The following GLI2 variants were observed in gnomAD, a reference collection of about 807,000 sequenced individuals.
The protein encoded by GLI2 is transcription activator GLI2.
In GLI2, 22 loss-of-function variants were observed where a neutral mutation model predicts 78.9. The observed-to-expected ratio is 0.28, with a 90% CI of 0.20 to 0.40. The LOEUF (loss-of-function observed/expected upper bound fraction) is 0.40, where lower values mean the gene tolerates loss of function less well. GLI2 is among the 10% of genes least tolerant of loss of function. The pLI is 1.00. For synonymous variants in GLI2, 974 were observed against 963.7 expected (o/e 1.01, Z -0.20); for missense variants, 2,097 against 2,213.2 (o/e 0.95, Z 1.05).
chr2:120,816,520 A>T (rs1685502371), intron 2 of GLI2, among the ~76,000 whole-genome samples: 1 of 152,134 alleles, frequency 6.6e-6, no homozygotes, highest in Non-Finnish European at 1.5e-5. Context: ...AATGTGGGTT[A>T]TATCTATTGA....
At chr2:120,866,743 TG>T (rs1474356658) in intron 2 of GLI2, 1 of 152,204 alleles carries the variant, frequency 6.6e-6, no homozygotes, top group African/African-American at 2.4e-5. Flanking sequence ...TCCAGTCTTC[TG>T]TTTGATTGGA....
intron 2 of GLI2, among the ~76,000 whole-genome samples, chr2:120,903,724 CA>C (rs778851254): frequency 1.8e-4 from 27 of 152,198 alleles, no homozygotes; most frequent in Non-Finnish European, 4.0e-4. Flanking sequence ...ACACAACACA[CA>C]GTAACATCTG....
chr2:120,886,161 TG>T (rs1184804791), intron 2 of GLI2, among the ~76,000 whole-genome samples: 14 of 3,520 alleles, frequency 4.0e-3, no homozygotes, highest in African/African-American at 5.7e-3. Flanking sequence ...TTTTCCAAAG[TG>T]TGTGTGTGTG....
intron 3 of GLI2, 56 bp from the exon 4 acceptor site, chr2:120,951,187 T>C (rs988597060): frequency 9.8e-7 from 1 of 1,019,482 alleles, no homozygotes. Context: ...TTTTGGGGTC[T>C]TGGTGGGGTT....
rs984717669 is a variant in GLI2, at chr2:120,737,009, C to A, written c.-31+724C>A. Among the ~76,000 whole-genome samples, 1 of 152,050 alleles carries A rather than the reference C, an allele frequency of 6.6e-6. No individual in the cohort carries two copies. The highest frequency in any genetic ancestry group is 1.5e-5 in the Non-Finnish European group (1 of 68,012). ...CCTTCCACCTCACTTTCATCCCTGC[C>A]CCCCTACTCATCGTCTCTCCCCACC... On this transcript the variant is annotated intron_variant, in intron 1 of 13. Transcript: ENST00000361492. The surrounding 1 kb of genome is among the most constrained non-coding windows in gnomAD (Gnocchi z 4.3).
intron 2 of GLI2, among the ~76,000 whole-genome samples, chr2:120,897,754 C>T (rs1678050704): frequency 6.6e-6 from 1 of 152,182 alleles, no homozygotes; most frequent in African/African-American, 2.4e-5. Context: ...GACTCAGTTT[C>T]CCTTTCTGTA....
intron 2 of GLI2, among the ~76,000 whole-genome samples, chr2:120,812,057 G>C (rs1685270076): frequency 6.6e-6 from 1 of 152,220 alleles, no homozygotes; most frequent in Non-Finnish European, 1.5e-5. Context: ...TTCTGGCAGG[G>C]AGAGATGGGG....
chr2:120,867,225 G>A (rs1045377850), intron 2 of GLI2: 8 of 152,190 alleles, frequency 5.3e-5, no homozygotes, highest in African/African-American at 1.9e-4. Flanking sequence ...AGACCCTGGA[G>A]GGCAGCCGCT....
chr2:120,894,752 G>T (rs939166867), intron 2 of GLI2, among the ~76,000 whole-genome samples: 2 of 149,032 alleles, frequency 1.3e-5, no homozygotes, highest in African/African-American at 5.0e-5. Flanking sequence ...AGGCTGGAGC[G>T]CAGTGGCGCG....
intron 6 of GLI2, among the ~76,000 whole-genome samples, chr2:120,970,039 AG>A (rs1202744167): frequency 6.6e-6 from 1 of 152,158 alleles, no homozygotes; most frequent in Admixed American, 6.5e-5. Context: ...CAGGATTCGG[AG>A]GCCTCATGGG....
At chr2:120,882,037 T>C (rs899928820) in intron 2 of GLI2, among the ~76,000 whole-genome samples, 3 of 152,050 alleles carry the variant, frequency 2.0e-5, no homozygotes, top group Non-Finnish European at 4.4e-5. Context: ...CAGAATACAC[T>C]ATCCAGGTCC....
chr2:120,752,603 A>G (rs1258390363), intron 1 of GLI2, among the ~76,000 whole-genome samples: 3 of 152,104 alleles, frequency 2.0e-5, no homozygotes, highest in African/African-American at 7.2e-5. Flanking sequence ...TATTTATTGA[A>G]TAGTAATATA....
At chr2:120,930,231 G>A (rs868810745) in intron 3 of GLI2, among the ~76,000 whole-genome samples, 2 of 152,348 alleles carry the variant, frequency 1.3e-5, no homozygotes, top group Non-Finnish European at 1.5e-5. Context: ...CCCCAACAGC[G>A]ATGACTGCCT....
At chr2:120,845,009 A>C (rs1314840496) in intron 2 of GLI2, among the ~76,000 whole-genome samples, 2 of 152,140 alleles carry the variant, frequency 1.3e-5, no homozygotes, top group Non-Finnish European at 2.9e-5. Context: ...ACGGTGGCTC[A>C]TATCTATAAT....
chr2:120,968,861 G>A lies in GLI2; in HGVS notation c.791G>A (p.Arg264Gln), dbSNP rs1279844511. The A allele has an allele frequency of 8.1e-6, 13 of 1,613,762 alleles. No individual in the cohort carries two copies. The highest frequency in any genetic ancestry group is 2.2e-5 in the East Asian group (1 of 44,876). ...NSLVAYINNS[R>Q]SSSAASGSYG... The stretch of plus-strand genomic sequence containing the variant: ...CTAGTGGCCTACATCAACAACTCCC[G>A]AAGCAGCTCGGCGGCCAGCGGTTCC... The change falls in exon 6 of 14, where the codon CGA (arginine) becomes CAA (glutamine). Residue 264 changes from arginine to glutamine, a missense_variant. Around this residue, in one of 5 missense-constraint regions of GLI2, gnomAD observed 578 missense variants for 612.0 expected, o/e 0.94. Transcript: ENST00000361492.
intron 1 of GLI2, among the ~76,000 whole-genome samples, chr2:120,769,882 G>C (rs1490351544): frequency 6.6e-6 from 1 of 152,128 alleles, no homozygotes; most frequent in Non-Finnish European, 1.5e-5. Flanking sequence ...CAAACACTGT[G>C]TGTGTGTGTG....
chr2:120,744,232 C>G (rs1272557079), intron 1 of GLI2, among the ~76,000 whole-genome samples: 1 of 152,240 alleles, frequency 6.6e-6, no homozygotes, highest in Non-Finnish European at 1.5e-5. Flanking sequence ...GCACATCACT[C>G]AGACGTTTCT....
chr2:120,970,085 C>T (rs906316267), intron 6 of GLI2, among the ~76,000 whole-genome samples: 5 of 152,128 alleles, frequency 3.3e-5, no homozygotes, highest in Non-Finnish European at 7.3e-5. Flanking sequence ...TACAGACATG[C>T]GTCTAGGTAT....
At chr2:120,794,559 G>A (rs1684296100) in intron 1 of GLI2, among the ~76,000 whole-genome samples, 1 of 151,904 alleles carries the variant, frequency 6.6e-6, no homozygotes, top group South Asian at 2.1e-4. Flanking sequence ...CAGCCAGCGG[G>A]AGAGGCAGTG....
Sources: allele counts gnomAD v4.1 joint callset (sites outside exome capture counted in the v4.1 genomes callset), GRCh38; gene constraint gnomAD v4.1.1; regional missense constraint gnomAD v4.1.1; non-coding constraint Gnocchi (gnomAD v3.1); transcripts MANE v1.5; gene names NCBI Gene and HGNC (gene_info 2026-07-23, HGNC 2026-07-21).